SLC49A4: variants seen among roughly 807,000 people sequenced by gnomAD.
SLC49A4 encodes solute carrier family 49 member 4.
SLC49A4 carries 36 observed loss-of-function variants against 50.6 expected under a neutral mutation model. That is an observed-to-expected ratio of 0.71 (90% CI 0.55 to 0.94). The LOEUF (loss-of-function observed/expected upper bound fraction) is 0.94. Ranked by LOEUF, SLC49A4 falls within the 40% of genes least tolerant of loss-of-function variation. SLC49A4 has a pLI of 0.00. For synonymous variants in SLC49A4, 248 were observed against 241.2 expected (o/e 1.03, Z -0.26); for missense variants, 503 against 605.7 (o/e 0.83, Z 1.78).
In SLC49A4 at chr3:122,829,028, G is replaced by A. The variant is rs1936574514; in HGVS notation, c.703+1963G>A. On this transcript the variant is annotated intron_variant, in intron 3 of 8. Transcript: ENST00000261038. The stretch of plus-strand genomic sequence containing the variant: ...TGTTTGCCAATCTGCCTTTCTGAAA[G>A]ACTGTCCCAGGACTTCATTCTATTC... Among the ~76,000 whole-genome samples, 3 of 152,198 alleles carry A rather than the reference G, an allele frequency of 2.0e-5. No individual in the cohort carries two copies. In the South Asian group the frequency reaches 6.2e-4, roughly 32 times the overall value.
chr3:122,813,103 A>T (rs1936321394), intron 2 of SLC49A4, among the ~76,000 whole-genome samples: 1 of 152,102 alleles, frequency 6.6e-6, no homozygotes, highest in Non-Finnish European at 1.5e-5. Flanking sequence ...TACAAAAATT[A>T]GCCGGGCGTG....
At chr3:122,856,502 C>A in intron 6 of SLC49A4, 128 bp downstream of exon 6, 1 of 855,156 alleles carries the variant, frequency 1.2e-6, no homozygotes, top group Non-Finnish European at 1.9e-6. Context: ...GAAAGGGGTA[C>A]TTGTTCAGAG....
chr3:122,826,130 C>T (rs1487214149), intron 2 of SLC49A4, among the ~76,000 whole-genome samples: 1 of 152,140 alleles, frequency 6.6e-6, no homozygotes, highest in Non-Finnish European at 1.5e-5. Context: ...GAAATGGAAC[C>T]CCACAAAGTT....
At chr3:122,821,298 G>A (rs761338021) in intron 2 of SLC49A4, among the ~76,000 whole-genome samples, 5 of 152,154 alleles carry the variant, frequency 3.3e-5, no homozygotes, top group Non-Finnish European at 5.9e-5. Flanking sequence ...TGTGGGGATG[G>A]GATGAGCCAG....
chr3:122,856,155 AT>A, intron 5 of SLC49A4, 151 bp from the exon 6 acceptor site: 1 of 644,306 alleles, frequency 1.6e-6, no homozygotes, highest in Non-Finnish European at 2.7e-6. Context: ...TCAAGGACAT[AT>A]TTTAGATGTT....
chr3:122,829,223 C>A (rs79178761), intron 3 of SLC49A4, among the ~76,000 whole-genome samples: 1 of 152,132 alleles, frequency 6.6e-6, no homozygotes, highest in African/African-American at 2.4e-5. Context: ...TATCATAAAA[C>A]GGATGATATA....
intron 1 of SLC49A4, among the ~76,000 whole-genome samples, chr3:122,800,159 C>A (rs1560189919): frequency 6.6e-6 from 1 of 152,150 alleles, no homozygotes; most frequent in Non-Finnish European, 1.5e-5. Context: ...TAAAAAGTGT[C>A]TTGTGGCTGG....
intron 7 of SLC49A4, among the ~76,000 whole-genome samples, chr3:122,862,126 T>C (rs2107580317): frequency 6.6e-6 from 1 of 152,340 alleles, no homozygotes; most frequent in East Asian, 1.9e-4. Context: ...TAAGTAATTG[T>C]GGTTCTTTAA....
intron 7 of SLC49A4, 138 bp from the exon 8 acceptor site, chr3:122,872,277 T>G (rs1937205316): frequency 4.1e-6 from 3 of 724,784 alleles, no homozygotes; most frequent in Non-Finnish European, 6.7e-6. Flanking sequence ...TGTGTGATGC[T>G]TTGTCAAACT....
At chr3:122,839,737 A>T (rs1250899983) in intron 4 of SLC49A4, among the ~76,000 whole-genome samples, 1 of 152,200 alleles carries the variant, frequency 6.6e-6, no homozygotes. Flanking sequence ...GTCAAAAAAC[A>T]ATAGATGTTG....
At chr3:122,803,719 G>T (rs374388727) in intron 1 of SLC49A4, among the ~76,000 whole-genome samples, 4 of 152,274 alleles carry the variant, frequency 2.6e-5, no homozygotes, top group African/African-American at 7.2e-5. Context: ...TGTGGGTTGT[G>T]GGGGAGGGAT....
chr3:122,814,501 A>G (rs567916247), intron 2 of SLC49A4, among the ~76,000 whole-genome samples: 3 of 152,356 alleles, frequency 2.0e-5, no homozygotes, highest in South Asian at 2.1e-4. Flanking sequence ...ATGGCTAACA[A>G]TTGTTGATTC....
chr3:122,846,863 C>T (rs1335310156), intron 5 of SLC49A4, among the ~76,000 whole-genome samples: 5 of 152,088 alleles, frequency 3.3e-5, no homozygotes, highest in East Asian at 1.9e-4. Context: ...CTTACCGATA[C>T]GTAAAGAAGA....
intron 2 of SLC49A4, 96 bp from the exon 3 acceptor site, chr3:122,826,704 T>G: frequency 1.6e-6 from 2 of 1,214,798 alleles, no homozygotes; most frequent in Non-Finnish European, 2.3e-6. Flanking sequence ...TGTATACTTA[T>G]TGCCATAGTT....
At chr3:122,869,999 A>G (rs1046004397) in intron 7 of SLC49A4, among the ~76,000 whole-genome samples, 8 of 20,394 alleles carry the variant, frequency 3.9e-4, no homozygotes, top group Non-Finnish European at 3.8e-3. Flanking sequence ...GTTCCCTTTC[A>G]GTGTGTTATT....
At chr3:122,859,336 A>T (rs973699404) in intron 6 of SLC49A4, among the ~76,000 whole-genome samples, 1 of 152,188 alleles carries the variant, frequency 6.6e-6, no homozygotes, top group Non-Finnish European at 1.5e-5. Flanking sequence ...ACAGTAGAAG[A>T]AGAGAGAGCA....
At chr3:122,804,327 G>A (rs735728) in intron 1 of SLC49A4, among the ~76,000 whole-genome samples, 68,575 of 152,044 alleles carry the variant, frequency 0.45, 16,308 homozygotes, top group South Asian at 0.55. Flanking sequence ...CATTCATGAG[G>A]ATCTGTCCCT....
chr3:122,810,755 A>G (rs570023350), intron 2 of SLC49A4, among the ~76,000 whole-genome samples: 2 of 152,370 alleles, frequency 1.3e-5, no homozygotes, highest in East Asian at 1.9e-4. Flanking sequence ...TCTAGTAAAC[A>G]TAGATTTTCT....
At chr3:122,874,329 CA>C (rs1379637626) in intron 8 of SLC49A4, among the ~76,000 whole-genome samples, 2 of 152,204 alleles carry the variant, frequency 1.3e-5, no homozygotes, top group Non-Finnish European at 2.9e-5. Flanking sequence ...GAACCGACGT[CA>C]GTCAGTGCTC....
Sources: gnomAD v4.1 joint callset for allele counts (sites outside exome capture counted in the v4.1 genomes callset) on GRCh38, gnomAD v4.1.1 for gene constraint, MANE v1.5 for transcripts, NCBI Gene and HGNC (gene_info 2026-07-23, HGNC 2026-07-21) for gene names.